GPHN: variants seen among roughly 807,000 people sequenced by gnomAD.
The protein encoded by GPHN is gephyrin.
Under a neutral mutation model 95.5 loss-of-function variants are expected in GPHN, and 17 were observed. The observed-to-expected ratio is 0.18, with a 90% CI of 0.12 to 0.27. The LOEUF (loss-of-function observed/expected upper bound fraction) is 0.27, where lower values mean the gene tolerates loss of function less well. Among genes scored for constraint, GPHN ranks in the 10% least tolerant of loss-of-function variants. GPHN has a pLI of 1.00. For synonymous variants in GPHN, 320 were observed against 322.5 expected (o/e 0.99, Z 0.08); for missense variants, 660 against 978.1 (o/e 0.67, Z 4.34).
chr14:67,002,463 C>T (rs957844103), intron 9 of GPHN, among the ~76,000 whole-genome samples: 1 of 151,126 alleles, frequency 6.6e-6, no homozygotes, highest in Non-Finnish European at 1.5e-5. Flanking sequence ...ATCAGCTTCT[C>T]ACCATATTCT....
the GPHN span, among the ~76,000 whole-genome samples, chr14:67,398,935 A>G: frequency 1.3e-5 from 2 of 152,206 alleles, no homozygotes; most frequent in Non-Finnish European, 2.9e-5. Flanking sequence ...AATGACGATT[A>G]TGTGGATACA....
At chr14:66,681,694 A>T (rs2066939924) in intron 2 of GPHN, among the ~76,000 whole-genome samples, 1 of 152,128 alleles carries the variant, frequency 6.6e-6, no homozygotes, top group Non-Finnish European at 1.5e-5. Context: ...TTTGCTCATC[A>T]GTCAGTCCCA....
At chr14:67,127,367 C>T (rs996163498) in intron 17 of GPHN, among the ~76,000 whole-genome samples, 4 of 112,234 alleles carry the variant, frequency 3.6e-5, no homozygotes, top group African/African-American at 1.3e-4. Flanking sequence ...TTTGTTTTGC[C>T]GAATTGACAT....
At chr14:66,895,392 A>G (rs1455746363) in intron 5 of GPHN, among the ~76,000 whole-genome samples, 1 of 152,196 alleles carries the variant, frequency 6.6e-6, no homozygotes, top group Non-Finnish European at 1.5e-5. Context: ...AAGCATTAGG[A>G]GATATACCTA....
At chr14:67,571,500 G>A in the GPHN span, 1 of 418,970 alleles carries the variant, frequency 2.4e-6, no homozygotes. Context: ...CAGTGGGCAG[G>A]CATTCAGTCG....
chr14:66,983,659 T>C (rs958079376), intron 9 of GPHN, among the ~76,000 whole-genome samples: 4 of 152,218 alleles, frequency 2.6e-5, no homozygotes, highest in Non-Finnish European at 5.9e-5. Flanking sequence ...GCTCCCAAAG[T>C]CTCTATATAA....
chr14:67,577,887 G>A, the GPHN span: 1 of 705,476 alleles, frequency 1.4e-6, no homozygotes, highest in Non-Finnish European at 2.4e-6. Flanking sequence ...CCCTCCAACA[G>A]TAGCAGTGCT....
chr14:66,997,705 G>A (rs2071915126), intron 9 of GPHN, among the ~76,000 whole-genome samples: 1 of 152,172 alleles, frequency 6.6e-6, no homozygotes, highest in Non-Finnish European at 1.5e-5. Context: ...TGAGTCAATA[G>A]AATTGCAGCT....
intron 1 of GPHN, among the ~76,000 whole-genome samples, chr14:66,616,194 CTTT>C (rs200327888): frequency 0.015 from 1,940 of 129,474 alleles, 28 homozygotes; most frequent in Admixed American, 0.02. Context: ...ATGGGTTCTT[CTTT>C]GATTCCATAT....
intron 10 of GPHN, among the ~76,000 whole-genome samples, chr14:67,034,883 A>T (rs1451150778): frequency 6.6e-6 from 1 of 152,132 alleles, no homozygotes; most frequent in Non-Finnish European, 1.5e-5. Flanking sequence ...AACCAAAAAG[A>T]TTAATAAGGA....
the GPHN span, among the ~76,000 whole-genome samples, chr14:67,275,581 C>CT: frequency 9.9e-5 from 15 of 151,876 alleles, no homozygotes; most frequent in Admixed American, 2.6e-4. Flanking sequence ...CTAAAATTCT[C>CT]TTTTTTTTGT....
chr14:66,786,624 A>C (rs1318575799), intron 3 of GPHN, among the ~76,000 whole-genome samples: 1 of 152,138 alleles, frequency 6.6e-6, no homozygotes, highest in Non-Finnish European at 1.5e-5. Context: ...TAAAATCCTC[A>C]ATAAAGTATT....
chr14:66,508,690 G>T (rs1594762754), intron 1 of GPHN, 99 bp downstream of exon 1: 1 of 1,102,202 alleles, frequency 9.1e-7, no homozygotes, highest in East Asian at 2.4e-5. Context: ...CTCGGGAGGA[G>T]GGAAGGCTGA....
intron 1 of GPHN, among the ~76,000 whole-genome samples, chr14:66,554,681 G>C (rs1168144977): frequency 2.0e-5 from 3 of 152,134 alleles, no homozygotes; most frequent in Non-Finnish European, 4.4e-5. Flanking sequence ...TTCAAGATGA[G>C]ACTTGGATAC....
At chr14:66,681,262 G>T in intron 2 of GPHN, 77 bp downstream of exon 2, 1 of 935,446 alleles carries the variant, frequency 1.1e-6, no homozygotes, top group Non-Finnish European at 1.7e-6. Context: ...AGAGTTTTAT[G>T]TGAAAACTTA....
At chr14:66,906,376 G>C (rs2065381496) in intron 5 of GPHN, among the ~76,000 whole-genome samples, 1 of 152,146 alleles carries the variant, frequency 6.6e-6, no homozygotes, top group Non-Finnish European at 1.5e-5. Flanking sequence ...TCTACTGCCA[G>C]GGCATGCAAA....
At chr14:67,073,042 A>T (rs1035780488) in intron 11 of GPHN, among the ~76,000 whole-genome samples, 1 of 151,986 alleles carries the variant, frequency 6.6e-6, no homozygotes, top group Non-Finnish European at 1.5e-5. Context: ...TTTTTATTTT[A>T]TAAAATATTT....
At chr14:66,634,477 T>C (rs898814155) in intron 1 of GPHN, among the ~76,000 whole-genome samples, 2 of 152,172 alleles carry the variant, frequency 1.3e-5, no homozygotes, top group African/African-American at 4.8e-5. Context: ...AGACTGATCC[T>C]CAGGCCTCTA....
At chr14:67,626,693 C>T in the GPHN span, among the ~76,000 whole-genome samples, 6 of 152,124 alleles carry the variant, frequency 3.9e-5, no homozygotes, top group Admixed American at 2.6e-4. Context: ...CTCCTAGCCT[C>T]AAGTGATCCA....
Sources: allele counts gnomAD v4.1 joint callset (sites outside exome capture counted in the v4.1 genomes callset), GRCh38; gene constraint gnomAD v4.1.1; transcripts MANE v1.5; gene names NCBI Gene and HGNC (gene_info 2026-07-23, HGNC 2026-07-21).